The following SCN9A variants were observed in gnomAD, a reference collection of about 807,000 sequenced individuals.
The protein encoded by SCN9A is sodium channel protein type 9 subunit alpha.
A neutral mutation model predicts 187.0 loss-of-function variants in SCN9A; 131 were observed. The observed-to-expected ratio is 0.70, with a 90% CI of 0.61 to 0.81. SCN9A has a LOEUF of 0.81. SCN9A is among the 30% of genes least tolerant of loss of function. The pLI, the probability that SCN9A is intolerant of heterozygous loss-of-function variation, is 0.00. For missense variants in SCN9A, 2,252 were observed against 2,396.6 expected, an observed-to-expected ratio of 0.94 and a Z score of 1.26; for synonymous variants, 809 against 808.6, an observed-to-expected ratio of 1.00 and a Z score of -0.01.
At position 166,280,605 on chromosome 2, in the gene SCN9A, A is replaced by C. The variant is rs537270435; in HGVS notation, c.2105-10T>G. 1.3e-6 allele frequency: 2 copies of C among 1,501,188 alleles called. No individual in the cohort carries two copies. The highest frequency in any genetic ancestry group is 1.4e-5 in the African/African-American group (1 of 72,214). 93.0% of individuals were successfully genotyped at this position (1,501,188 alleles called of 1,614,324 possible). On this transcript the variant is annotated splice_polypyrimidine_tract_variant and intron_variant, in intron 13 of 26. Coordinates refer to ENST00000642356, the MANE Select transcript of SCN9A (RefSeq NM_001365536.1). Reference sequence around the variant, plus strand: ...CTGGACTCTTCAAGTTCTGGGAGAAAAAAGCAGAGAACATGGAGTCAGCCA... The same window carrying C: ...CTGGACTCTTCAAGTTCTGGGAGAACAAAGCAGAGAACATGGAGTCAGCCA...
intron 1 of SCN9A, among the ~76,000 whole-genome samples, chr2:166,358,215 A>G (rs1395650126): frequency 6.6e-6 from 1 of 151,788 alleles, no homozygotes; most frequent in Non-Finnish European, 1.5e-5. Context: ...GATTAGAGGT[A>G]CCCACCACCA....
intron 14 of SCN9A, among the ~76,000 whole-genome samples, 196 bp downstream of exon 14, chr2:166,280,161 T>A (rs1030854154): frequency 6.6e-6 from 1 of 152,130 alleles, no homozygotes; most frequent in Non-Finnish European, 1.5e-5. Context: ...TTGTTATTTG[T>A]AGACCTCAAC....
intron 24 of SCN9A, among the ~76,000 whole-genome samples, chr2:166,206,696 CA>C (rs1225935570): frequency 6.6e-6 from 1 of 151,932 alleles, no homozygotes; most frequent in Non-Finnish European, 1.5e-5. Flanking sequence ...ATACAATAAC[CA>C]AAATTGTATT....
intron 26 of SCN9A, among the ~76,000 whole-genome samples, chr2:166,201,106 C>T (rs1693488919): frequency 6.6e-6 from 1 of 151,332 alleles, no homozygotes; most frequent in Admixed American, 6.6e-5. Flanking sequence ...TAGCTATGTT[C>T]TCCTAATTGC....
At chr2:166,268,363 A>T (rs79125805) in intron 17 of SCN9A, among the ~76,000 whole-genome samples, 1 of 151,934 alleles carries the variant, frequency 6.6e-6, no homozygotes, top group South Asian at 2.1e-4. Flanking sequence ...GGGTAATTCA[A>T]TTTGCCTCTT....
intron 24 of SCN9A, among the ~76,000 whole-genome samples, chr2:166,225,575 A>AC (rs11410767): frequency 0.046 from 7,075 of 152,182 alleles, 573 homozygotes; most frequent in African/African-American, 0.16. Flanking sequence ...CTGTAATAAT[A>AC]CTTTTGTGAT....
At chr2:166,248,665 TTTTA>T (rs1695900319) in intron 18 of SCN9A, among the ~76,000 whole-genome samples, 1 of 152,096 alleles carries the variant, frequency 6.6e-6, no homozygotes, top group South Asian at 2.1e-4. Context: ...ATGTCATTTG[TTTTA>T]TTTGTTTGTT....
chr2:166,238,705 A>T (rs1695429055), intron 19 of SCN9A, among the ~76,000 whole-genome samples: 1 of 152,166 alleles, frequency 6.6e-6, no homozygotes, highest in African/African-American at 2.4e-5. Flanking sequence ...TCAGCTCTCA[A>T]ATGCTTGTGC....
At position 166,311,640 on chromosome 2, in the gene SCN9A, CT is replaced by C. The variant is rs2105226927; in HGVS notation, c.116del (p.Lys39ArgfsTer51). On this transcript the variant is annotated frameshift_variant, in exon 2 of 27. Transcript: ENST00000642356. LOFTEE classifies it high-confidence loss of function. ...TTGGGGCTTCTTCATCATCATCTTT[CT>C]TTTCTTCTTTGGGTTCCTTTGATTT... ...ERKSKEPKEEKKDDDEEAPKP... is the reference protein window; with the variant it reads ...ERKSKEPKEEXKDDDEEAPKP... The C allele has an allele frequency of 6.2e-7, 1 of 1,613,342 alleles. No homozygotes were observed. Among genetic ancestry groups the C allele is most frequent in the South Asian group, 1.1e-5 (1 of 91,044 alleles).
chr2:166,209,151 T>C (rs1427770240), intron 24 of SCN9A, among the ~76,000 whole-genome samples: 1 of 152,226 alleles, frequency 6.6e-6, no homozygotes, highest in African/African-American at 2.4e-5. Flanking sequence ...GGTCTTGCCC[T>C]GTCAAAGTCA....
chr2:166,301,858 C>A (rs1416636032), intron 7 of SCN9A: 2 of 150,800 alleles, frequency 1.3e-5, no homozygotes, highest in East Asian at 3.9e-4. Flanking sequence ...GGAAAATATG[C>A]TAAATTCCTC....
chr2:166,368,420 G>T (rs1003776195), intron 1 of SCN9A, among the ~76,000 whole-genome samples: 1 of 151,770 alleles, frequency 6.6e-6, no homozygotes, highest in African/African-American at 2.4e-5. Context: ...GATCACCTGA[G>T]GTCAGGAATT....
intron 1 of SCN9A, among the ~76,000 whole-genome samples, chr2:166,313,107 T>G (rs1699018514): frequency 6.7e-6 from 1 of 149,954 alleles, no homozygotes; most frequent in African/African-American, 2.4e-5. Flanking sequence ...TGTAATTTTC[T>G]GAATAGTAAA....
intron 17 of SCN9A, among the ~76,000 whole-genome samples, chr2:166,266,750 T>C (rs531140137): frequency 6.6e-6 from 1 of 151,500 alleles, no homozygotes; most frequent in African/African-American, 2.4e-5. Context: ...CAATATTTTA[T>C]AGTTTTCATT....
At chr2:166,284,328 C>T (rs7607896) in intron 12 of SCN9A, 125 bp downstream of exon 12, 534,478 of 1,093,378 alleles carry the variant, frequency 0.49, 134,488 homozygotes, top group African/African-American at 0.76. Context: ...AAGGTGTGTT[C>T]CTATAGAAAA....
intron 1 of SCN9A, among the ~76,000 whole-genome samples, chr2:166,332,578 C>T (rs1279654739): frequency 6.6e-6 from 1 of 152,062 alleles, no homozygotes; most frequent in Non-Finnish European, 1.5e-5. Flanking sequence ...AAACATAATG[C>T]AGTCTGTAAA....
chr2:166,224,980 G>T (rs1265064801), intron 24 of SCN9A, among the ~76,000 whole-genome samples: 1 of 152,098 alleles, frequency 6.6e-6, no homozygotes, highest in East Asian at 1.9e-4. Flanking sequence ...ACATATCATG[G>T]AGTCTTAATA....
intron 1 of SCN9A, among the ~76,000 whole-genome samples, chr2:166,329,996 G>A (rs1191677803): frequency 1.3e-5 from 2 of 152,034 alleles, no homozygotes; most frequent in Admixed American, 1.3e-4. Context: ...GTCCTTCGAT[G>A]GAATTTGAAA....
chr2:166,352,541 T>C (rs966137470), intron 1 of SCN9A, among the ~76,000 whole-genome samples: 2 of 152,204 alleles, frequency 1.3e-5, no homozygotes, highest in African/African-American at 4.8e-5. Context: ...CAAGCTTCAA[T>C]CACAAAACAT....
Sources: allele counts gnomAD v4.1 joint callset (sites outside exome capture counted in the v4.1 genomes callset), GRCh38; gene constraint gnomAD v4.1.1; transcripts MANE v1.5; gene names NCBI Gene and HGNC (gene_info 2026-07-23, HGNC 2026-07-21).